Variants in MAB21L3 observed in about 807,000 individuals in gnomAD.
The protein encoded by MAB21L3 is mab-21 like 3.
In MAB21L3, 36 loss-of-function variants were observed where a neutral mutation model predicts 37.7. The observed-to-expected ratio is 0.96, with a 90% CI of 0.73 to 1.26. The LOEUF (loss-of-function observed/expected upper bound fraction) is 1.26. MAB21L3 is among the 50% of genes most tolerant of loss of function. The pLI is 0.00. For missense variants in MAB21L3, 430 were observed against 447.3 expected, an observed-to-expected ratio of 0.96 and a Z score of 0.35; for synonymous variants, 186 against 176.8, an observed-to-expected ratio of 1.05 and a Z score of -0.41.
At position 116,137,703 on chromosome 1, in the gene MAB21L3, T is replaced by G. The variant is rs1330999027; in HGVS notation, c.*4338T>G. Among the ~76,000 whole-genome samples the G allele has an allele frequency of 1.3e-5, 2 of 151,844 alleles. No individual in the cohort carries two copies. Among genetic ancestry groups the G allele is most frequent in the African/African-American group, 4.8e-5 (2 of 41,272 alleles). ...ATGTTTATTGCGGCATTATTCACAA[T>G]AGCAGACTTGGAACCAACCCAAATA... On this transcript the variant is annotated 3_prime_UTR_variant, in exon 8 of 8. Coordinates refer to ENST00000369500, the MANE Select transcript of MAB21L3 (RefSeq NM_152367.3).
At chr1:116,120,424 C>CAGACAA (rs1557929339) in intron 3 of MAB21L3, among the ~76,000 whole-genome samples, 1 of 123,490 alleles carries the variant, frequency 8.1e-6, no homozygotes, top group Non-Finnish European at 1.5e-5. Flanking sequence ...CACACACACA[C>CAGACAA]ACACACAAAC....
rs1487240219 is a variant in MAB21L3, at chr1:116,135,350, C to A, written c.*1985C>A. The A allele has an allele frequency of 1.3e-5, 2 of 152,168 alleles. No individual in the cohort carries two copies. Among genetic ancestry groups the A allele is most frequent in the African/African-American group, 4.8e-5 (2 of 41,422 alleles). The allele number at this position is 152,168 out of a possible 1,614,324, so 9.4% of individuals were successfully genotyped here. On this transcript the variant is annotated 3_prime_UTR_variant, in exon 8 of 8. Coordinates refer to ENST00000369500, the MANE Select transcript of MAB21L3 (RefSeq NM_152367.3). Reference sequence around the variant, plus strand: ...TACCATCAGAGAATACTACAAACTCCTCTACGCAAATAAACTAGAAAATCT... The same window carrying A: ...TACCATCAGAGAATACTACAAACTCATCTACGCAAATAAACTAGAAAATCT...
intron 4 of MAB21L3, among the ~76,000 whole-genome samples, chr1:116,122,983 T>G (rs1659793771): frequency 6.6e-6 from 1 of 152,196 alleles, no homozygotes; most frequent in African/African-American, 2.4e-5. Context: ...ATCAAACTAT[T>G]GTTTTCTTAG....
intron 5 of MAB21L3, among the ~76,000 whole-genome samples, chr1:116,126,952 C>T (rs1202303401): frequency 3.9e-5 from 6 of 152,178 alleles, no homozygotes; most frequent in Non-Finnish European, 8.8e-5. Context: ...TTTTGCCCAA[C>T]TGTAAGTTAA....
intron 3 of MAB21L3, among the ~76,000 whole-genome samples, chr1:116,119,125 C>G (rs899196972): frequency 2.6e-5 from 4 of 152,106 alleles, no homozygotes; most frequent in Non-Finnish European, 5.9e-5. Flanking sequence ...CTTCTAAAAC[C>G]TTTATTTTTG....
In MAB21L3 at chr1:116,128,273, G is replaced by C; in HGVS notation, c.789G>C (p.Met263Ile). The C allele has an allele frequency of 1.2e-6, 2 of 1,614,084 alleles. No homozygotes were observed. Among genetic ancestry groups the C allele is most frequent in the Non-Finnish European group, 1.7e-6 (2 of 1,179,998 alleles). Residue 263 changes from methionine (M) to isoleucine (I), a missense_variant, in exon 7 of 8, where the codon ATG becomes ATC. Coordinates refer to ENST00000369500, the MANE Select transcript of MAB21L3 (RefSeq NM_152367.3). ...GGCRRKCFQV[M>I]RHLKEDIWCP... is the part of the protein sequence containing the mutation. Reference sequence around the variant, plus strand: ...GCCGTAGGAAGTGTTTTCAGGTCATGAGGCACCTGAAGGAGGACATCTGGT... The same window carrying C: ...GCCGTAGGAAGTGTTTTCAGGTCATCAGGCACCTGAAGGAGGACATCTGGT...
Position 116,127,652 on chromosome 1 carries a change from T to C in MAB21L3, c.660+8T>C. ...AGAGTGGAGTGCATCAAGGTATCAGTGGGCGGGACCCAGCTTGCCAGAGCA... is the reference window on the plus strand; with the variant it reads ...AGAGTGGAGTGCATCAAGGTATCAGCGGGCGGGACCCAGCTTGCCAGAGCA... On this transcript the variant is annotated splice_region_variant and intron_variant, in intron 6 of 7. Coordinates refer to ENST00000369500, the MANE Select transcript of MAB21L3 (RefSeq NM_152367.3). 6.2e-7 allele frequency: 1 copy of C among 1,607,406 alleles called. No homozygotes were observed. The highest frequency in any genetic ancestry group is 8.5e-7 in the Non-Finnish European group (1 of 1,176,888).
At chr1:116,119,375 G>A (rs1056162117) in intron 3 of MAB21L3, among the ~76,000 whole-genome samples, 5 of 151,650 alleles carry the variant, frequency 3.3e-5, no homozygotes, top group Non-Finnish European at 7.4e-5. Context: ...ATGAACATAT[G>A]AAGTTGGCTT....
intron 3 of MAB21L3, among the ~76,000 whole-genome samples, chr1:116,117,355 A>G (rs1324998402): frequency 1.3e-5 from 2 of 151,896 alleles, no homozygotes; most frequent in African/African-American, 4.8e-5. Context: ...TATCTAATTA[A>G]CACTTTTATT....
At chr1:116,115,432 G>A (rs1557927286) in intron 3 of MAB21L3, among the ~76,000 whole-genome samples, 1 of 152,180 alleles carries the variant, frequency 6.6e-6, no homozygotes, top group Non-Finnish European at 1.5e-5. Context: ...AGACAGAGAT[G>A]ATGCCAGTTT....
At chr1:116,129,143 C>G (rs772287960) in intron 7 of MAB21L3, among the ~76,000 whole-genome samples, 1 of 152,174 alleles carries the variant, frequency 6.6e-6, no homozygotes, top group Non-Finnish European at 1.5e-5. Context: ...CCAGTGGGTG[C>G]GTGTACAATC....
In MAB21L3 at chr1:116,124,205, T is replaced by A. The variant is rs1304539892; in HGVS notation, c.329T>A (p.Leu110Gln). Residue 110 changes from leucine to glutamine, a missense_variant, in exon 5 of 8, where the codon CTG (leucine) becomes CAG (glutamine). Coordinates refer to ENST00000369500, the MANE Select transcript of MAB21L3 (RefSeq NM_152367.3). ...LPCPLRDPEGLQQWLEVEQFM... is the reference protein window; with the variant it reads ...LPCPLRDPEGQQQWLEVEQFM... Reference sequence around the variant, plus strand: ...TGCCCGTTGCGGGACCCTGAGGGTCTGCAGCAGTGGCTGGAGGTGGAACAG... The same window carrying A: ...TGCCCGTTGCGGGACCCTGAGGGTCAGCAGCAGTGGCTGGAGGTGGAACAG... The A allele has an allele frequency of 6.2e-7, 1 of 1,614,220 alleles. No homozygotes were observed. Among genetic ancestry groups the A allele is most frequent in the South Asian group, 1.1e-5 (1 of 91,084 alleles).
intron 7 of MAB21L3, among the ~76,000 whole-genome samples, chr1:116,131,933 T>C (rs1660076764): frequency 6.6e-6 from 1 of 152,066 alleles, no homozygotes; most frequent in Non-Finnish European, 1.5e-5. Flanking sequence ...CGAGAAATAC[T>C]TAGACAAGAG....
At chr1:116,112,760 GACACATAAAA>G (rs139021400) in intron 3 of MAB21L3, 97 bp downstream of exon 3, 44,825 of 1,288,394 alleles carry the variant, frequency 0.035, 957 homozygotes, top group Middle Eastern at 0.08. Context: ...TCTTTCTAAA[GACACATAAAA>G]TGCTCCTCAG....
At chr1:116,118,306 G>A (rs150995536) in intron 3 of MAB21L3, among the ~76,000 whole-genome samples, 2,149 of 151,880 alleles carry the variant, frequency 0.014, 48 homozygotes, top group African/African-American at 0.049. Flanking sequence ...CACTTGAACC[G>A]AGGAGGCAGA....
chr1:116,132,901 T>C (rs529923692), intron 7 of MAB21L3, among the ~76,000 whole-genome samples: 1 of 152,138 alleles, frequency 6.6e-6, no homozygotes, highest in East Asian at 1.9e-4. Context: ...TTAGTGAACA[T>C]TGGAAATGTT....
intron 7 of MAB21L3, among the ~76,000 whole-genome samples, chr1:116,132,294 G>C (rs552590050): frequency 6.6e-6 from 1 of 152,162 alleles, no homozygotes; most frequent in African/African-American, 2.4e-5. Flanking sequence ...TCAAAGGCAG[G>C]CCAAGGAGTA....
chr1:116,133,728 AG>A lies in MAB21L3; in HGVS notation c.*364del, dbSNP rs1660140360. 3.0e-6 allele frequency: 1 copy of A among 334,858 alleles called. No homozygotes were observed. The highest frequency in any genetic ancestry group is 2.1e-5 in the African/African-American group (1 of 47,448). The allele number at this position is 334,858 out of a possible 1,614,324, so 20.7% of individuals were successfully genotyped here. A position where few individuals can be genotyped will look rare whatever the true frequency, so the allele number is the denominator to read the frequency against. ...CAGAACCCCTGGAAGTCTGGACATG[AG>A]CCTGCTGGCCAATACTGTGCCCAGC... On this transcript the variant is annotated 3_prime_UTR_variant, in exon 8 of 8. Transcript: ENST00000369500.
intron 5 of MAB21L3, among the ~76,000 whole-genome samples, chr1:116,127,143 T>A (rs1282067070): frequency 6.6e-6 from 1 of 152,130 alleles, no homozygotes; most frequent in African/African-American, 2.4e-5. Flanking sequence ...TTACTTTCAG[T>A]TGATCCTCCT....
Sources: allele counts gnomAD v4.1 joint callset (sites outside exome capture counted in the v4.1 genomes callset), GRCh38; gene constraint gnomAD v4.1.1; transcripts MANE v1.5; gene names NCBI Gene and HGNC (gene_info 2026-07-23, HGNC 2026-07-21).